The following NTM variants were observed in gnomAD, a reference collection of about 807,000 sequenced individuals.
The protein encoded by NTM is IgLON family member 2.
In NTM, 13 loss-of-function variants were observed where a neutral mutation model predicts 42.1. The ratio of observed to expected loss-of-function variants is 0.31; its 90% confidence interval spans 0.20 to 0.49. The LOEUF (loss-of-function observed/expected upper bound fraction) is 0.49. Among genes scored for constraint, NTM ranks in the 20% least tolerant of loss-of-function variants. The pLI is 0.99. For missense variants in NTM, 373 were observed against 452.8 expected (o/e 0.82, Z 1.60); for synonymous variants, 187 against 179.2 (o/e 1.04, Z -0.35).
At chr11:131,911,385 C>G (rs2054932660) in intron 1 of NTM, 179 bp from the exon 2 acceptor site, 4 of 1,579,576 alleles carry the variant, frequency 2.5e-6, no homozygotes, top group East Asian at 2.3e-5. Flanking sequence ...ACCGCTCAGT[C>G]CCCGCGCTCG....
chr11:132,290,480 A>G (rs2094420250), intron 4 of NTM, among the ~76,000 whole-genome samples: 1 of 152,174 alleles, frequency 6.6e-6, no homozygotes, highest in Non-Finnish European at 1.5e-5. Context: ...TGCATTGGAT[A>G]CTGAGCGTAT....
chr11:132,118,504 A>G (rs1043330542), intron 2 of NTM, among the ~76,000 whole-genome samples: 5 of 152,244 alleles, frequency 3.3e-5, no homozygotes, highest in African/African-American at 1.2e-4. Flanking sequence ...ATCGCACAGC[A>G]CATAAATGGC....
chr11:132,172,567 A>G (rs2076259093), intron 3 of NTM, among the ~76,000 whole-genome samples: 1 of 152,178 alleles, frequency 6.6e-6, no homozygotes, highest in Non-Finnish European at 1.5e-5. Context: ...TGAAATGTCA[A>G]TAATTAAAAG....
In NTM at chr11:131,680,132, AC is replaced by A. The variant is rs540554932; in HGVS notation, c.83-231426del. Among the ~76,000 whole-genome samples the A allele has an allele frequency of 6.4e-3, 945 of 147,168 alleles. 10 individuals are homozygous for A. Among genetic ancestry groups the A allele is most frequent in the African/African-American group, 0.022 (889 of 39,864 alleles). On this transcript the variant is annotated intron_variant, in intron 1 of 8. Coordinates refer to ENST00000683400, the MANE Select transcript of NTM (RefSeq NM_001352005.2). Reference sequence around the variant, plus strand: ...AGACAAAGACAGTCCAGGAGCCCTGACCCCCCATCCTTCTCTGGTATTTACG... The same window carrying A: ...AGACAAAGACAGTCCAGGAGCCCTGACCCCCATCCTTCTCTGGTATTTACG...
chr11:132,185,600 A>T (rs1444894167), intron 3 of NTM, among the ~76,000 whole-genome samples: 1 of 152,204 alleles, frequency 6.6e-6, no homozygotes, highest in Non-Finnish European at 1.5e-5. Flanking sequence ...TCCAAAACAA[A>T]TGGCTCAGTA....
chr11:132,313,154 G>A (rs1285048509), intron 6 of NTM, among the ~76,000 whole-genome samples: 2 of 138,090 alleles, frequency 1.4e-5, no homozygotes, highest in Non-Finnish European at 3.2e-5. Context: ...TAATGACAAA[G>A]CAGCTGCACT....
At chr11:132,224,132 C>T (rs2085705715) in intron 4 of NTM, among the ~76,000 whole-genome samples, 1 of 152,194 alleles carries the variant, frequency 6.6e-6, no homozygotes, top group Non-Finnish European at 1.5e-5. Flanking sequence ...AAGGTCTCCA[C>T]TTGAGGAGGA....
At chr11:131,390,367 C>T (rs866846743) in intron 1 of NTM, among the ~76,000 whole-genome samples, 4 of 152,110 alleles carry the variant, frequency 2.6e-5, no homozygotes, top group Admixed American at 6.6e-5. Flanking sequence ...CTGGAAATCA[C>T]GTTTCAATAT....
intron 1 of NTM, among the ~76,000 whole-genome samples, chr11:131,721,711 T>C (rs1244484140): frequency 1.3e-5 from 2 of 152,000 alleles, no homozygotes; most frequent in Non-Finnish European, 2.9e-5. Context: ...GATGAAATAA[T>C]GCGGGCCAGG....
At chr11:131,430,818 G>A (rs376541801) in intron 1 of NTM, among the ~76,000 whole-genome samples, 2 of 152,206 alleles carry the variant, frequency 1.3e-5, no homozygotes, top group Non-Finnish European at 2.9e-5. Context: ...GGACCTTTCT[G>A]GGCCACACAG....
At chr11:131,786,342 T>G (rs1335930503) in intron 1 of NTM, among the ~76,000 whole-genome samples, 2 of 152,232 alleles carry the variant, frequency 1.3e-5, no homozygotes. Flanking sequence ...ACGTCACCTG[T>G]GCATTGGGGT....
intron 1 of NTM, among the ~76,000 whole-genome samples, chr11:131,431,364 C>T (rs1310910601): frequency 6.6e-6 from 1 of 152,208 alleles, no homozygotes; most frequent in Non-Finnish European, 1.5e-5. Context: ...CCCTCACATA[C>T]TTAAACTTAG....
chr11:131,465,921 A>T (rs1951836943), intron 1 of NTM, among the ~76,000 whole-genome samples: 1 of 152,146 alleles, frequency 6.6e-6, no homozygotes, highest in Admixed American at 6.5e-5. Flanking sequence ...GATACTTGCT[A>T]ATGACCACCA....
chr11:131,588,723 G>A (rs1439781924), intron 1 of NTM, among the ~76,000 whole-genome samples: 1 of 152,176 alleles, frequency 6.6e-6, no homozygotes, highest in Non-Finnish European at 1.5e-5. Flanking sequence ...ATGGGGAATG[G>A]CATCAGGCTA....
At chr11:132,130,224 C>T (rs148953900) in intron 2 of NTM, among the ~76,000 whole-genome samples, 16 of 151,992 alleles carry the variant, frequency 1.1e-4, no homozygotes, top group Non-Finnish European at 1.8e-4. Context: ...AGATGAGTAG[C>T]GGGATGAGGG....
At chr11:132,311,616 G>A (rs902835614) in intron 6 of NTM, among the ~76,000 whole-genome samples, 9 of 152,158 alleles carry the variant, frequency 5.9e-5, no homozygotes, top group African/African-American at 2.2e-4. Context: ...GAAGTAAACT[G>A]AGGCATAAAA....
chr11:132,044,722 G>A (rs957893771), intron 2 of NTM, among the ~76,000 whole-genome samples: 1 of 152,212 alleles, frequency 6.6e-6, no homozygotes, highest in South Asian at 2.1e-4. Flanking sequence ...ACAACTCCAT[G>A]GGACACTGCC....
intron 2 of NTM, among the ~76,000 whole-genome samples, chr11:131,971,531 C>T (rs1051235175): frequency 2.6e-5 from 4 of 152,070 alleles, no homozygotes; most frequent in Non-Finnish European, 5.9e-5. Flanking sequence ...TTTGCTTTGT[C>T]GTCTCTTACC....
At chr11:131,685,515 A>G (rs570144559) in intron 1 of NTM, among the ~76,000 whole-genome samples, 28 of 152,310 alleles carry the variant, frequency 1.8e-4, no homozygotes, top group African/African-American at 6.5e-4. Context: ...GGTCCCCTGT[A>G]CGCCAAGCAC....
Sources: allele counts gnomAD v4.1 joint callset (sites outside exome capture counted in the v4.1 genomes callset), GRCh38; gene constraint gnomAD v4.1.1; transcripts MANE v1.5; gene names NCBI Gene and HGNC (gene_info 2026-07-23, HGNC 2026-07-21).